The following B3GALT1 variants were observed in gnomAD, a reference collection of about 807,000 sequenced individuals.
The protein encoded by B3GALT1 is UDP-Gal:betaGlcNAc beta 1,3-galactosyltransferase, polypeptide 1.
B3GALT1 carries 10 observed loss-of-function variants against 23.2 expected under a neutral mutation model. That is an observed-to-expected ratio of 0.43 (90% CI 0.27 to 0.73). The LOEUF is 0.73. B3GALT1 is among the 30% of genes least tolerant of loss of function. The pLI is 0.21. For missense variants in B3GALT1, 299 were observed against 405.4 expected (o/e 0.74, Z 2.25); for synonymous variants, 156 against 141.5 (o/e 1.10, Z -0.73).
At chr2:167,705,160 A>G (rs982348637) in intron 3 of B3GALT1, among the ~76,000 whole-genome samples, 6 of 152,164 alleles carry the variant, frequency 3.9e-5, no homozygotes, top group Non-Finnish European at 7.4e-5. Flanking sequence ...CTAGAGCCAA[A>G]CTTCATTGTA....
chr2:167,616,675 A>G (rs1685167751), intron 2 of B3GALT1, among the ~76,000 whole-genome samples: 1 of 151,980 alleles, frequency 6.6e-6, no homozygotes, highest in Admixed American at 6.6e-5. Context: ...AGTCTGGGTG[A>G]TAGAGCAAGA....
intron 2 of B3GALT1, among the ~76,000 whole-genome samples, chr2:167,626,361 C>T (rs1023513997): frequency 1.3e-5 from 2 of 151,498 alleles, no homozygotes; most frequent in Non-Finnish European, 3.0e-5. Flanking sequence ...AAGCTTTGCA[C>T]TCAACAATAT....
intron 3 of B3GALT1, among the ~76,000 whole-genome samples, chr2:167,732,037 T>A (rs538810485): frequency 2.6e-4 from 39 of 152,304 alleles, no homozygotes; most frequent in Non-Finnish European, 5.1e-4. Context: ...TTATACACAG[T>A]ATTACAACCT....
intron 1 of B3GALT1, among the ~76,000 whole-genome samples, chr2:167,455,061 A>C (rs575480774): frequency 6.4e-4 from 98 of 152,358 alleles, no homozygotes; most frequent in African/African-American, 2.3e-3. Context: ...CTTCATTTGC[A>C]AGAATTCCAT....
chr2:167,801,206 CA>C (rs1163208971), intron 3 of B3GALT1, among the ~76,000 whole-genome samples: 1 of 152,150 alleles, frequency 6.6e-6, no homozygotes, highest in African/African-American at 2.4e-5. Context: ...ATAGTGAAAA[CA>C]AAACCAGTTG....
intron 2 of B3GALT1, among the ~76,000 whole-genome samples, chr2:167,499,485 A>G (rs1699822359): frequency 6.6e-6 from 1 of 152,216 alleles, no homozygotes; most frequent in Non-Finnish European, 1.5e-5. Flanking sequence ...TCTTTGTTAA[A>G]GAAAAAATAA....
intron 3 of B3GALT1, among the ~76,000 whole-genome samples, chr2:167,672,765 A>G (rs144144318): frequency 1.0e-3 from 156 of 152,296 alleles, no homozygotes; most frequent in Middle Eastern, 3.4e-3. Context: ...TTTGTACATA[A>G]ATTAATTTTA....
intron 1 of B3GALT1, among the ~76,000 whole-genome samples, chr2:167,471,295 GT>G (rs1699415500): frequency 1.3e-5 from 2 of 152,142 alleles, no homozygotes; most frequent in African/African-American, 2.4e-5. Context: ...CTAAGACTTG[GT>G]GGGAAGAAGC....
intron 2 of B3GALT1, among the ~76,000 whole-genome samples, chr2:167,561,136 C>G (rs1255886704): frequency 6.6e-6 from 1 of 152,176 alleles, no homozygotes; most frequent in Non-Finnish European, 1.5e-5. Flanking sequence ...AACTAGAGCT[C>G]AGGATTAAGA....
intron 2 of B3GALT1, among the ~76,000 whole-genome samples, chr2:167,622,612 G>T (rs1343651042): frequency 6.6e-6 from 1 of 152,018 alleles, no homozygotes; most frequent in Non-Finnish European, 1.5e-5. Context: ...CCATTAGGAA[G>T]TTTATTATTT....
intron 1 of B3GALT1, among the ~76,000 whole-genome samples, chr2:167,299,972 G>A (rs1232440139): frequency 5.3e-5 from 8 of 151,732 alleles, no homozygotes; most frequent in Non-Finnish European, 1.0e-4. Context: ...GTGCCATCTC[G>A]GCTCACTGCA....
At chr2:167,606,207 G>C (rs1684959314) in intron 2 of B3GALT1, among the ~76,000 whole-genome samples, 1 of 152,132 alleles carries the variant, frequency 6.6e-6, no homozygotes, top group African/African-American at 2.4e-5. Context: ...AGGGAGATTA[G>C]GGCAAATCAT....
At chr2:167,303,636 CACACACAT>C (rs1486528720) in intron 1 of B3GALT1, among the ~76,000 whole-genome samples, 1 of 68,590 alleles carries the variant, frequency 1.5e-5, no homozygotes, top group Non-Finnish European at 3.7e-5. Flanking sequence ...CTCTTGGAAA[CACACACAT>C]ACACACACAC....
At chr2:167,596,567 A>G (rs1684777678) in intron 2 of B3GALT1, among the ~76,000 whole-genome samples, 1 of 152,198 alleles carries the variant, frequency 6.6e-6, no homozygotes, top group Admixed American at 6.5e-5. Context: ...TAGGCCACAT[A>G]GTTAATTTTC....
At chr2:167,349,416 A>ACTTC (rs1697276509) in intron 1 of B3GALT1, among the ~76,000 whole-genome samples, 1 of 152,152 alleles carries the variant, frequency 6.6e-6, no homozygotes, top group African/African-American at 2.4e-5. Context: ...GTGCAAGAAT[A>ACTTC]GTGATGCTGG....
At chr2:167,637,186 A>G (rs1392876342) in intron 2 of B3GALT1, among the ~76,000 whole-genome samples, 1 of 152,042 alleles carries the variant, frequency 6.6e-6, no homozygotes, top group East Asian at 1.9e-4. Flanking sequence ...TGTTGCTTTC[A>G]CTTCGACTTT....
intron 1 of B3GALT1, among the ~76,000 whole-genome samples, chr2:167,327,118 G>GCCAA (rs1696908451): frequency 6.6e-6 from 1 of 152,072 alleles, no homozygotes; most frequent in Admixed American, 6.5e-5. Flanking sequence ...TGATCTATAT[G>GCCAA]TTTAATTTTA....
chr2:167,462,863 G>A (rs1228211011), intron 1 of B3GALT1, among the ~76,000 whole-genome samples: 1 of 152,018 alleles, frequency 6.6e-6, no homozygotes, highest in Non-Finnish European at 1.5e-5. Context: ...TCTGTTTCCT[G>A]TAAAGGATAC....
chr2:167,820,191 A>G (rs774133784), intron 4 of B3GALT1, among the ~76,000 whole-genome samples: 25 of 152,250 alleles, frequency 1.6e-4, no homozygotes, highest in Non-Finnish European at 2.8e-4. Context: ...TTAGCGTCCA[A>G]TGGAGGAAAC....
Sources: gnomAD v4.1 joint callset for allele counts (sites outside exome capture counted in the v4.1 genomes callset) on GRCh38, gnomAD v4.1.1 for gene constraint, MANE v1.5 for transcripts, NCBI Gene and HGNC (gene_info 2026-07-23, HGNC 2026-07-21) for gene names.